The following SEZ6L variants were observed in gnomAD, a reference collection of about 807,000 sequenced individuals.
SEZ6L encodes the protein seizure 6-like protein.
SEZ6L carries 37 observed loss-of-function variants against 106.2 expected under a neutral mutation model. That is an observed-to-expected ratio of 0.35 (90% confidence interval 0.27 to 0.46). The LOEUF is 0.46. SEZ6L is among the 20% of genes least tolerant of loss of function. The pLI is 1.00. For missense variants in SEZ6L, 1,172 were observed against 1,332.8 expected (o/e 0.88, Z 1.88); for synonymous variants, 541 against 570.4 (o/e 0.95, Z 0.73).
intron 1 of SEZ6L, among the ~76,000 whole-genome samples, chr22:26,197,947 G>C: frequency 6.6e-6 from 1 of 152,154 alleles, no homozygotes; most frequent in East Asian, 1.9e-4. Flanking sequence ...AGGCAACCCT[G>C]GCATGGTCGT....
chr22:26,174,177 C>T (rs533755626), intron 1 of SEZ6L, among the ~76,000 whole-genome samples: 16 of 152,108 alleles, frequency 1.1e-4, no homozygotes, highest in South Asian at 4.2e-4. Context: ...TGGGACCTCA[C>T]GTGGATGTGT....
At chr22:26,348,686 G>GAAAGAGAA (rs2083140208) in intron 11 of SEZ6L, among the ~76,000 whole-genome samples, 1 of 85,910 alleles carries the variant, frequency 1.2e-5, no homozygotes, top group Non-Finnish European at 2.3e-5. Context: ...AAGAAAGAAA[G>GAAAGAGAA]AAAGAAAGAA....
At chr22:26,227,047 C>A (rs2078655067) in intron 1 of SEZ6L, among the ~76,000 whole-genome samples, 1 of 152,070 alleles carries the variant, frequency 6.6e-6, no homozygotes, top group Non-Finnish European at 1.5e-5. Flanking sequence ...AAGCTCAGTT[C>A]AATTCTAACT....
intron 1 of SEZ6L, among the ~76,000 whole-genome samples, chr22:26,255,453 T>A (rs892721996): frequency 2.0e-5 from 3 of 152,220 alleles, no homozygotes; most frequent in Non-Finnish European, 4.4e-5. Flanking sequence ...AGAAGATGGC[T>A]AACACAAGCC....
chr22:26,209,868 A>AGAGGAAGGAAGGAAAGAAGGGAGG, intron 1 of SEZ6L, among the ~76,000 whole-genome samples: 2 of 141,498 alleles, frequency 1.4e-5, no homozygotes, highest in South Asian at 2.4e-4. Context: ...AAGAAGGGAG[A>AGAGGAAGGAAGGAAAGAAGGGAGG]GAGGAAGGAA....
intron 1 of SEZ6L, among the ~76,000 whole-genome samples, chr22:26,214,426 C>T (rs766639017): frequency 2.0e-5 from 3 of 152,146 alleles, no homozygotes; most frequent in Non-Finnish European, 2.9e-5. Flanking sequence ...ATCCTAGACC[C>T]GTTTTCTCAG....
chr22:26,343,568 T>C (rs1042732704), intron 10 of SEZ6L, among the ~76,000 whole-genome samples: 4 of 152,208 alleles, frequency 2.6e-5, no homozygotes, highest in Non-Finnish European at 4.4e-5. Context: ...AAAAATCCCT[T>C]GACACCTCCT....
intron 10 of SEZ6L, among the ~76,000 whole-genome samples, chr22:26,342,800 C>T (rs1033682999): frequency 1.2e-4 from 18 of 152,184 alleles, no homozygotes; most frequent in Non-Finnish European, 7.3e-5. Flanking sequence ...ATTACTTCTG[C>T]GCCAACCTAA....
chr22:26,302,642 C>G (rs1326341113), intron 5 of SEZ6L, among the ~76,000 whole-genome samples: 1 of 152,144 alleles, frequency 6.6e-6, no homozygotes, highest in African/African-American at 2.4e-5. Context: ...CAGAATTTTT[C>G]TTTCTTTTTT....
intron 1 of SEZ6L, among the ~76,000 whole-genome samples, chr22:26,209,976 A>AG (rs2078107688): frequency 2.7e-5 from 4 of 150,052 alleles, no homozygotes; most frequent in East Asian, 3.9e-4. Flanking sequence ...AGAGGGAGGG[A>AG]GGAAGGAAGG....
chr22:26,320,365 A>G (rs1271330872), intron 9 of SEZ6L, among the ~76,000 whole-genome samples: 1 of 152,108 alleles, frequency 6.6e-6, no homozygotes, highest in Non-Finnish European at 1.5e-5. Flanking sequence ...GGGGCCAATA[A>G]GGGGGGGCAT....
chr22:26,313,080 G>A (rs961828994), intron 8 of SEZ6L, among the ~76,000 whole-genome samples: 2 of 152,258 alleles, frequency 1.3e-5, no homozygotes, highest in African/African-American at 2.4e-5. Context: ...CCTCTGCCAT[G>A]TTGAGACCTT....
intron 5 of SEZ6L, among the ~76,000 whole-genome samples, chr22:26,299,500 C>A (rs1485561632): frequency 6.6e-6 from 1 of 152,166 alleles, no homozygotes; most frequent in African/African-American, 2.4e-5. Context: ...TCGCTGGCAA[C>A]CATCCGGCTG....
intron 15 of SEZ6L, 66 bp from the exon 16 acceptor site, chr22:26,377,607 C>T: frequency 2.3e-6 from 3 of 1,313,232 alleles, no homozygotes; most frequent in Non-Finnish European, 3.3e-6. Context: ...CAACTGTTCC[C>T]GTTCAATATT....
chr22:26,324,928 T>C (rs2082263519), intron 9 of SEZ6L, among the ~76,000 whole-genome samples: 1 of 152,140 alleles, frequency 6.6e-6, no homozygotes, highest in African/African-American at 2.4e-5. Context: ...GAGATCAGCG[T>C]TGTGCTTCTG....
intron 1 of SEZ6L, among the ~76,000 whole-genome samples, chr22:26,247,420 C>A (rs1468347257): frequency 2.6e-5 from 4 of 152,158 alleles, no homozygotes; most frequent in Non-Finnish European, 5.9e-5. Context: ...CAGATGGGGT[C>A]ATATTGGATT....
At chr22:26,303,941 C>G (rs1258381317) in intron 5 of SEZ6L, among the ~76,000 whole-genome samples, 6 of 152,262 alleles carry the variant, frequency 3.9e-5, no homozygotes, top group African/African-American at 1.4e-4. Flanking sequence ...ACTTGAAACC[C>G]TGGTCATGGT....
At chr22:26,208,784 C>T (rs1300994854) in intron 1 of SEZ6L, among the ~76,000 whole-genome samples, 2 of 149,308 alleles carry the variant, frequency 1.3e-5, no homozygotes, top group Non-Finnish European at 3.0e-5. Flanking sequence ...GAGAATTTTT[C>T]AACTATTATA....
At chr22:26,280,912 C>T (rs764382181) in intron 1 of SEZ6L, among the ~76,000 whole-genome samples, 7 of 152,188 alleles carry the variant, frequency 4.6e-5, no homozygotes, top group Admixed American at 3.9e-4. Context: ...GGTAAGAACA[C>T]TTATAATCTA....
Sources: allele counts gnomAD v4.1 joint callset (sites outside exome capture counted in the v4.1 genomes callset), GRCh38; gene constraint gnomAD v4.1.1; transcripts MANE v1.5; gene names NCBI Gene and HGNC (gene_info 2026-07-23, HGNC 2026-07-21).